The following MAML2 variants were observed in gnomAD, a reference collection of about 807,000 sequenced individuals.
The protein encoded by MAML2 is mastermind like transcriptional coactivator 2, also known as mastermind-like protein 2.
Under a neutral mutation model 96.1 loss-of-function variants are expected in MAML2, and 22 were observed. The observed-to-expected ratio is 0.23, with a 90% CI of 0.16 to 0.33. The LOEUF (loss-of-function observed/expected upper bound fraction) is 0.33. Ranked by LOEUF, MAML2 falls within the 10% of genes least tolerant of loss-of-function variation. The pLI is 1.00. For synonymous variants in MAML2, 561 were observed against 521.3 expected, an observed-to-expected ratio of 1.08 and a Z score of -1.04; for missense variants, 1,367 against 1,392.4, an observed-to-expected ratio of 0.98 and a Z score of 0.29.
chr11:96,224,983 T>C (rs1434842435), intron 1 of MAML2, among the ~76,000 whole-genome samples: 1 of 152,234 alleles, frequency 6.6e-6, no homozygotes, highest in Non-Finnish European at 1.5e-5. Context: ...ATTGACAAAT[T>C]GAACATTGTG....
intron 1 of MAML2, among the ~76,000 whole-genome samples, chr11:96,240,822 C>G (rs1226553994): frequency 6.6e-6 from 1 of 152,056 alleles, no homozygotes; most frequent in Non-Finnish European, 1.5e-5. Context: ...TACGGAATAA[C>G]TATAAATTTC....
At chr11:96,262,214 G>A (rs937637081) in intron 1 of MAML2, among the ~76,000 whole-genome samples, 10 of 152,180 alleles carry the variant, frequency 6.6e-5, no homozygotes, top group Admixed American at 1.3e-4. Flanking sequence ...AATTGTGTAC[G>A]GTTTTTATGA....
intron 1 of MAML2, among the ~76,000 whole-genome samples, chr11:96,279,770 C>CTG (rs1408440913): frequency 6.6e-6 from 1 of 152,130 alleles, no homozygotes; most frequent in Non-Finnish European, 1.5e-5. Context: ...TTAAAGCCAC[C>CTG]CTCCTGAGAG....
chr11:96,175,039 G>A (rs1861361874), intron 1 of MAML2, among the ~76,000 whole-genome samples: 1 of 152,214 alleles, frequency 6.6e-6, no homozygotes, highest in South Asian at 2.1e-4. Context: ...CACAAGCAAC[G>A]TTAAGCAAAG....
At chr11:96,300,094 A>G (rs962364105) in intron 1 of MAML2, among the ~76,000 whole-genome samples, 3 of 152,164 alleles carry the variant, frequency 2.0e-5, no homozygotes, top group African/African-American at 4.8e-5. Flanking sequence ...GGGAGGGTGG[A>G]AGAGGATAAG....
At chr11:96,324,296 C>G (rs1262722264) in intron 1 of MAML2, among the ~76,000 whole-genome samples, 1 of 152,150 alleles carries the variant, frequency 6.6e-6, no homozygotes, top group Non-Finnish European at 1.5e-5. Flanking sequence ...TAAGATAGTA[C>G]CTATTTCATA....
chr11:96,063,996 G>A (rs919337020), intron 2 of MAML2, among the ~76,000 whole-genome samples: 1 of 152,182 alleles, frequency 6.6e-6, no homozygotes, highest in African/African-American at 2.4e-5. Flanking sequence ...GAATGGCCAG[G>A]ACATCTTTTA....
At chr11:96,161,604 G>A (rs1456843322) in intron 1 of MAML2, among the ~76,000 whole-genome samples, 4 of 152,162 alleles carry the variant, frequency 2.6e-5, no homozygotes, top group Admixed American at 1.3e-4. Flanking sequence ...CATGCCAAAA[G>A]AAGAATGTGA....
chr11:96,097,127 G>A (rs563366437), intron 1 of MAML2, among the ~76,000 whole-genome samples: 4 of 152,082 alleles, frequency 2.6e-5, no homozygotes, highest in Non-Finnish European at 5.9e-5. Flanking sequence ...TCCTTTGCTG[G>A]ACTAAAATTC....
intron 1 of MAML2, among the ~76,000 whole-genome samples, chr11:96,128,643 C>A (rs866490601): frequency 2.6e-5 from 4 of 152,136 alleles, no homozygotes; most frequent in Non-Finnish European, 5.9e-5. Context: ...TCTCCAATAC[C>A]TTTTGTGGGA....
chr11:96,274,542 A>G (rs550022637), intron 1 of MAML2, among the ~76,000 whole-genome samples: 3 of 152,122 alleles, frequency 2.0e-5, no homozygotes, highest in Non-Finnish European at 4.4e-5. Context: ...TGAATTATGT[A>G]GTTATTTCTA....
chr11:96,004,246 T>C (rs899860458), intron 2 of MAML2, among the ~76,000 whole-genome samples: 3 of 151,768 alleles, frequency 2.0e-5, no homozygotes, highest in African/African-American at 7.3e-5. Flanking sequence ...ATGAAGGCAA[T>C]TCAGTAAATG....
At position 96,175,119 on chromosome 11, in the gene MAML2, A is replaced by G. The variant is rs532503619; in HGVS notation, c.514-81602T>C. Among the ~76,000 whole-genome samples the G allele has an allele frequency of 5.3e-5, 8 of 152,372 alleles. No individual in the cohort carries two copies. In the East Asian group the frequency reaches 1.5e-3, roughly 29 times the overall value. On this transcript the variant is annotated intron_variant, in intron 1 of 4. Coordinates refer to ENST00000524717, the MANE Select transcript of MAML2 (RefSeq NM_032427.4). ...GCTGACTTCTTAATCTAAGCCTTCT[A>G]ATAATTACCACAAAGGAATATTTAT...
intron 1 of MAML2, among the ~76,000 whole-genome samples, chr11:96,116,450 C>A (rs879743846): frequency 2.0e-5 from 3 of 152,184 alleles, no homozygotes; most frequent in Non-Finnish European, 4.4e-5. Flanking sequence ...CAGTGGGACG[C>A]AAACAGAGTC....
At position 96,331,675 on chromosome 11, in the gene MAML2, G is replaced by A. The variant is rs192273541; in HGVS notation, c.513+9708C>T. Among the ~76,000 whole-genome samples, 710 of 151,506 alleles carry A rather than the reference G, an allele frequency of 4.7e-3. 7 individuals carry two copies. Among genetic ancestry groups the A allele is most frequent in the South Asian group, 6.7e-3 (32 of 4,770 alleles). On this transcript the variant is annotated intron_variant, in intron 1 of 4. Coordinates refer to ENST00000524717, the MANE Select transcript of MAML2 (RefSeq NM_032427.4). ...AAAAGAAAAAGGAAAAAAATTAGCC[G>A]GGCGTGGTGGTGGGCGCCTGTAATC...
intron 1 of MAML2, among the ~76,000 whole-genome samples, chr11:96,292,763 T>C (rs1053396251): frequency 2.0e-5 from 3 of 152,226 alleles, no homozygotes; most frequent in African/African-American, 7.2e-5. Flanking sequence ...GCTATATGGC[T>C]ATCATTATGG....
At chr11:96,249,615 GTTCT>G (rs1862555848) in intron 1 of MAML2, among the ~76,000 whole-genome samples, 1 of 152,080 alleles carries the variant, frequency 6.6e-6, no homozygotes, top group African/African-American at 2.4e-5. Flanking sequence ...CCTTGGTTCA[GTTCT>G]TTCTTTGACA....
chr11:96,054,248 T>G (rs566331098), intron 2 of MAML2, among the ~76,000 whole-genome samples: 23 of 152,286 alleles, frequency 1.5e-4, no homozygotes, highest in Non-Finnish European at 2.9e-4. Flanking sequence ...ACGGGGATAT[T>G]TTAGGGGAAT....
intron 1 of MAML2, among the ~76,000 whole-genome samples, chr11:96,264,124 T>C (rs991851094): frequency 6.6e-6 from 1 of 152,210 alleles, no homozygotes; most frequent in Non-Finnish European, 1.5e-5. Flanking sequence ...TTACCCACAA[T>C]TATCTCAGCA....
Sources: gnomAD v4.1 joint callset for allele counts (sites outside exome capture counted in the v4.1 genomes callset) on GRCh38, gnomAD v4.1.1 for gene constraint, MANE v1.5 for transcripts, NCBI Gene and HGNC (gene_info 2026-07-23, HGNC 2026-07-21) for gene names.